Variants in SENP6 observed in about 807,000 individuals in gnomAD.
SENP6 encodes the protein SUMO specific peptidase 6.
SENP6 carries 41 observed loss-of-function variants against 134.5 expected under a neutral mutation model. That is an observed-to-expected ratio of 0.30 (90% CI 0.24 to 0.40). The LOEUF is 0.40. SENP6 is among the 10% of genes least tolerant of loss of function. The pLI is 1.00. For synonymous variants in SENP6, 395 were observed against 429.8 expected (o/e 0.92, Z 1.00); for missense variants, 1,248 against 1,312.5 (o/e 0.95, Z 0.76).
intron 18 of SENP6, among the ~76,000 whole-genome samples, chr6:75,701,200 A>G (rs1437407389): frequency 6.6e-6 from 1 of 152,210 alleles, no homozygotes; most frequent in African/African-American, 2.4e-5. Context: ...CCATAGGACA[A>G]ATATTATTGT....
rs757161819 is a variant in SENP6 at position 75,616,177 on chromosome 6, C to G, written c.53-5355C>G. Among the ~76,000 whole-genome samples the G allele has an allele frequency of 2.9e-3, 438 of 152,188 alleles. 2 individuals carry two copies. The highest frequency in any genetic ancestry group is 5.3e-3 in the Non-Finnish European group (363 of 67,996). ...ATATTTAACTGGGATCTCTCCTTAA[C>G]CTTTTTCTTTCCATCTCCTTAATTT... On this transcript the variant is annotated intron_variant, in intron 1 of 23. Transcript: ENST00000447266.
intron 1 of SENP6, among the ~76,000 whole-genome samples, chr6:75,609,416 G>A (rs903581589): frequency 7.2e-5 from 11 of 152,184 alleles, no homozygotes; most frequent in Non-Finnish European, 1.5e-4. Flanking sequence ...CAGTGTTAAC[G>A]TCTTCCACAT....
intron 11 of SENP6, among the ~76,000 whole-genome samples, chr6:75,672,048 A>G (rs1488957998): frequency 2.0e-5 from 3 of 152,172 alleles, no homozygotes; most frequent in African/African-American, 7.2e-5. Flanking sequence ...TTATTGCCCA[A>G]TAATATTGTA....
chr6:75,689,979 A>G (rs868730634), intron 16 of SENP6, among the ~76,000 whole-genome samples: 24 of 152,192 alleles, frequency 1.6e-4, no homozygotes, highest in African/African-American at 5.6e-4. Flanking sequence ...GTGCAGCATC[A>G]CAGTCACAGC....
At chr6:75,641,559 C>CA (rs1561996415) in intron 6 of SENP6, among the ~76,000 whole-genome samples, 1 of 152,114 alleles carries the variant, frequency 6.6e-6, no homozygotes, top group Non-Finnish European at 1.5e-5. Context: ...CTGGCAGACA[C>CA]ATGTTGTTCT....
At chr6:75,714,862 A>C (rs1400792443) in intron 23 of SENP6, among the ~76,000 whole-genome samples, 1 of 152,190 alleles carries the variant, frequency 6.6e-6, no homozygotes, top group Non-Finnish European at 1.5e-5. Flanking sequence ...CTTAGCCTAA[A>C]CATCACTTCC....
chr6:75,715,431 T>G lies in SENP6; in HGVS notation c.3176T>G (p.Phe1059Cys). 6.2e-7 allele frequency: 1 copy of G among 1,613,396 alleles called. No individual in the cohort carries two copies. The highest frequency in any genetic ancestry group is 8.5e-7 in the Non-Finnish European group (1 of 1,179,558). The change falls in exon 24 of 24, where the codon TTT becomes TGT. Residue 1059 changes from phenylalanine (F) to cysteine (C), a missense_variant. This residue lies in a region of SENP6 where 386 missense variants were observed against 395.0 expected (regional missense o/e 0.98). Transcript: ENST00000447266. ...FELPMNLANW[F>C]PPPRMRTKRE... ...CTACCTATGAATTTGGCAAACTGGT[T>G]TCCTCCACCAAGAATGAGAACAAAA...
At chr6:75,692,732 C>T (rs1295984607) in intron 16 of SENP6, among the ~76,000 whole-genome samples, 2 of 152,046 alleles carry the variant, frequency 1.3e-5, no homozygotes, top group South Asian at 2.1e-4. Context: ...CCATCCTCCC[C>T]GCATCCCACT....
chr6:75,709,761 G>A, intron 20 of SENP6, 131 bp downstream of exon 20: 1 of 531,268 alleles, frequency 1.9e-6, no homozygotes, highest in Non-Finnish European at 3.3e-6. Flanking sequence ...CTTGAGCCTA[G>A]GAGTTTGAGT....
At chr6:75,712,465 C>T (rs543930491) in intron 21 of SENP6, among the ~76,000 whole-genome samples, 4 of 151,980 alleles carry the variant, frequency 2.6e-5, no homozygotes, top group African/African-American at 9.7e-5. Flanking sequence ...CCGCATGAGG[C>T]CAGGAGTGCA....
At position 75,678,573 on chromosome 6, in the gene SENP6, C is replaced by T; in HGVS notation, c.1849-10C>T. The stretch of plus-strand genomic sequence containing the variant: ...TGACTGTAAATTGCTAATTTAATTT[C>T]CTTTACCAGGTATCATTTGAATCTA... On this transcript the variant is annotated splice_polypyrimidine_tract_variant and intron_variant, in intron 14 of 23. Coordinates refer to ENST00000447266, the MANE Select transcript of SENP6 (RefSeq NM_015571.4). 6.2e-6 allele frequency: 8 copies of T among 1,290,752 alleles called. No homozygotes were observed. The highest frequency in any genetic ancestry group is 7.7e-6 in the Non-Finnish European group (7 of 903,512). 80.0% of individuals were successfully genotyped at this position (1,290,752 alleles called of 1,614,324 possible). A position where few individuals can be genotyped will look rare whatever the true frequency, so the allele number is the denominator to read the frequency against.
At position 75,678,690 on chromosome 6, in the gene SENP6, A is replaced by C. The variant is rs775992223; in HGVS notation, c.1956A>C (p.Glu652Asp). The C allele has an allele frequency of 5.8e-6, 9 of 1,544,244 alleles. No homozygotes were observed. Among genetic ancestry groups the C allele is most frequent in the Non-Finnish European group, 8.0e-6 (9 of 1,121,470 alleles). The change falls in exon 15 of 24, where the codon GAA becomes GAC. Residue 652 changes from glutamate to aspartate, a missense_variant and splice_region_variant. This residue lies in a region of SENP6 where 129 missense variants were observed against 192.0 expected (regional missense o/e 0.67). Transcript: ENST00000447266. ...ACACCATCTTCATTGGCCCAGTAGAAAAGTGAGAGAATTCCTTTATATTTG... is the reference window on the plus strand; with the variant it reads ...ACACCATCTTCATTGGCCCAGTAGACAAGTGAGAGAATTCCTTTATATTTG... ...ENHTIFIGPVEKLIVYPPPPA... is the reference protein window; with the variant it reads ...ENHTIFIGPVDKLIVYPPPPA...
chr6:75,677,436 A>G (rs1582837337), intron 14 of SENP6, 180 bp downstream of exon 14: 2 of 521,150 alleles, frequency 3.8e-6, no homozygotes, highest in East Asian at 6.5e-5. Context: ...GGTAGGTGCC[A>G]AATACCACTT....
Position 75,677,109 on chromosome 6 carries a change from T to C in SENP6, c.1701T>C (p.Ile567=). The C allele has an allele frequency of 6.2e-7, 1 of 1,609,108 alleles. No homozygotes were observed. The highest frequency in any genetic ancestry group is 8.5e-7 in the Non-Finnish European group (1 of 1,176,238). ...CAAATATGGTATTTGAAAGTATCAT[T>C]AATGAAATTGGTATAAAGAATAACA... ...PPANMVFESI[I]NEIGIKNNIS... is the part of the protein sequence containing the mutation. The change falls in exon 14 of 24, where the codon ATT becomes ATC. Residue 567 remains isoleucine, a synonymous_variant. Transcript: ENST00000447266.
At chr6:75,667,601 G>A (rs1262894646) in intron 10 of SENP6, among the ~76,000 whole-genome samples, 2 of 152,208 alleles carry the variant, frequency 1.3e-5, no homozygotes, top group East Asian at 3.9e-4. Flanking sequence ...AGAATCCAAG[G>A]GAAAGGACAC....
chr6:75,666,245 A>AAT (rs1276483718), intron 9 of SENP6, among the ~76,000 whole-genome samples: 2 of 147,404 alleles, frequency 1.4e-5, no homozygotes, highest in African/African-American at 2.5e-5. Context: ...TGATATATAA[A>AAT]ATATATATAC....
At chr6:75,603,457 C>G (rs906050564) in intron 1 of SENP6, among the ~76,000 whole-genome samples, 1 of 152,130 alleles carries the variant, frequency 6.6e-6, no homozygotes, top group African/African-American at 2.4e-5. Flanking sequence ...CAAAATGAGT[C>G]TCTGCTGCTC....
In SENP6 at chr6:75,639,973, G is replaced by A. The variant is rs117423242; in HGVS notation, c.459-711G>A. On this transcript the variant is annotated intron_variant, in intron 5 of 23. Coordinates refer to ENST00000447266, the MANE Select transcript of SENP6 (RefSeq NM_015571.4). ...AACAGTAGTCTCCTCCTTATTTGTGGTTTGATTTAACCATTCCCTTATTAG... is the reference window on the plus strand; with the variant it reads ...AACAGTAGTCTCCTCCTTATTTGTGATTTGATTTAACCATTCCCTTATTAG... Among the ~76,000 whole-genome samples, 626 of 152,200 alleles carry A rather than the reference G, an allele frequency of 4.1e-3. 4 individuals are homozygous for A. Among genetic ancestry groups the A allele is most frequent in the Non-Finnish European group, 6.6e-3 (452 of 67,986 alleles).
intron 23 of SENP6, 144 bp downstream of exon 23, chr6:75,713,969 T>A: frequency 1.6e-6 from 1 of 624,074 alleles, no homozygotes; most frequent in Non-Finnish European, 2.6e-6. Context: ...CAAAAACTTC[T>A]AAATGGAAGA....
Sources: gnomAD v4.1 joint callset for allele counts (sites outside exome capture counted in the v4.1 genomes callset) on GRCh38, gnomAD v4.1.1 for gene constraint, gnomAD v4.1.1 regional missense constraint, MANE v1.5 for transcripts, NCBI Gene and HGNC (gene_info 2026-07-23, HGNC 2026-07-21) for gene names.